The following TTC3 variants were observed in gnomAD, a reference collection of about 807,000 sequenced individuals.
TTC3 encodes tetratricopeptide repeat domain 3, also known as E3 ubiquitin-protein ligase TTC3.
TTC3 carries 180 observed loss-of-function variants against 249.6 expected under a neutral mutation model. The ratio of observed to expected loss-of-function variants is 0.72; its 90% CI spans 0.64 to 0.82. TTC3 has a LOEUF of 0.82. Ranked by LOEUF, TTC3 falls within the 40% of genes least tolerant of loss-of-function variation. TTC3 has a pLI of 0.00. For missense variants in TTC3, 2,061 were observed against 2,398.4 expected (o/e 0.86, Z 2.94); for synonymous variants, 717 against 805.0 (o/e 0.89, Z 1.85).
At chr21:37,185,955 A>G (rs977363012) in intron 37 of TTC3, 181 bp downstream of exon 37, 1 of 246,960 alleles carries the variant, frequency 4.0e-6, no homozygotes, top group Non-Finnish European at 7.8e-6. Context: ...TATTCTTTGA[A>G]TATTTAAATA....
rs555285446 is a variant in TTC3 at position 37,128,974 on chromosome 21, T to C, written c.1298-29T>C. The stretch of plus-strand genomic sequence containing the variant: ...GGCTTGTAGATTTTTATGTACAGAT[T>C]TTAGGAACAAATACTTTTGTGTTCA... On this transcript the variant is annotated intron_variant, in intron 15 of 45. Coordinates refer to ENST00000355666, the Ensembl canonical transcript of TTC3. 114 of 1,521,450 alleles carry C rather than the reference T, an allele frequency of 7.5e-5. 1 individual carries two copies. The South Asian group carries it at 1.4e-3, about 19-fold the overall frequency. 94.2% of individuals were successfully genotyped at this position (1,521,450 alleles called of 1,614,324 possible).
chr21:37,135,339 G>A, intron 17 of TTC3, 41 bp from the exon 18 acceptor site: 1 of 1,571,976 alleles, frequency 6.4e-7, no homozygotes, highest in Non-Finnish European at 8.6e-7. Flanking sequence ...AATTAAAAAT[G>A]TGTAGATTCA....
At chr21:37,109,321 G>T (rs1220175459) in intron 11 of TTC3, among the ~76,000 whole-genome samples, 1 of 152,178 alleles carries the variant, frequency 6.6e-6, no homozygotes, top group Non-Finnish European at 1.5e-5. Flanking sequence ...GTCAAAGAAA[G>T]GGGTGACAGA....
At chr21:37,142,689 C>A (rs1443526953) in intron 20 of TTC3, among the ~76,000 whole-genome samples, 1 of 152,168 alleles carries the variant, frequency 6.6e-6, no homozygotes, top group South Asian at 2.1e-4. Context: ...TTTATAGATT[C>A]AATGCCATCC....
intron 17 of TTC3, 107 bp downstream of exon 17, chr21:37,132,873 T>TACAA: frequency 7.6e-6 from 6 of 792,776 alleles, no homozygotes; most frequent in Non-Finnish European, 9.3e-6. Context: ...TTTTATATAA[T>TACAA]TATTGTATTA....
intron 20 of TTC3, among the ~76,000 whole-genome samples, chr21:37,142,842 A>G (rs1026925573): frequency 1.7e-4 from 26 of 152,230 alleles, no homozygotes; most frequent in African/African-American, 6.0e-4. Context: ...CTGACTTCAA[A>G]CTATACTACA....
At chr21:37,129,131 A>T in intron 16 of TTC3, 68 bp downstream of exon 16, 1 of 1,264,144 alleles carries the variant, frequency 7.9e-7, no homozygotes, top group Non-Finnish European at 1.1e-6. Context: ...AGGAAAAAAA[A>T]TTGTTTTTCG....
chr21:37,105,968 G>T (rs543909779), intron 10 of TTC3, among the ~76,000 whole-genome samples: 27 of 152,292 alleles, frequency 1.8e-4, no homozygotes, highest in Admixed American at 1.5e-3. Context: ...GAGTGGAATT[G>T]TTGGGACAGA....
chr21:37,078,325 C>T (rs1200015338), intron 1 of TTC3, among the ~76,000 whole-genome samples: 1 of 152,064 alleles, frequency 6.6e-6, no homozygotes, highest in Non-Finnish European at 1.5e-5. Flanking sequence ...TAAGAATTAG[C>T]TTGTTACATG....
At chr21:37,202,504 C>T (rs1184788616) in exon 46 of TTC3, 1 of 152,280 alleles carries the variant, frequency 6.6e-6, no homozygotes, top group African/African-American at 2.4e-5. Context: ...CACCCCACCA[C>T]AAAAAGAGAA....
chr21:37,198,001 A>C (rs776697561), exon 44 of TTC3: 43 of 1,613,288 alleles, frequency 2.7e-5, no homozygotes, highest in Non-Finnish European at 3.6e-5. Context: ...AGGGGCAGAA[A>C]GCAGAAGATG....
intron 11 of TTC3, among the ~76,000 whole-genome samples, chr21:37,110,414 C>T (rs147120463): frequency 0.016 from 2,362 of 151,564 alleles, 124 homozygotes; most frequent in Admixed American, 0.11. Flanking sequence ...GACAAATGCA[C>T]AAACCTCAGT....
At chr21:37,121,079 C>T (rs1340032748) in intron 11 of TTC3, among the ~76,000 whole-genome samples, 1 of 152,142 alleles carries the variant, frequency 6.6e-6, no homozygotes, top group Non-Finnish European at 1.5e-5. Flanking sequence ...CAGTTAGCTT[C>T]AGGTTTTGGT....
At chr21:37,162,906 A>G (rs1376445142) in intron 31 of TTC3, among the ~76,000 whole-genome samples, 1 of 152,072 alleles carries the variant, frequency 6.6e-6, no homozygotes, top group African/African-American at 2.4e-5. Flanking sequence ...GTGTTTTCTC[A>G]TGGTGGAAGG....
rs1310164531 is a variant in TTC3, at chr21:37,150,105, C to T, written c.2146C>T (p.Pro716Ser). ...TTTTCTACAAGGAATATGTCTTACC[C>T]CTGACTGTGAAGGTGTCATTTCTAA... The change falls in exon 24 of 46, where the codon CCT (proline) becomes TCT (serine). Residue 716 changes from proline (P) to serine (S), a missense_variant. By Grantham distance (74) the Pro-to-Ser change is moderately conservative. Coordinates refer to ENST00000355666, the Ensembl canonical transcript of TTC3. 4 of 1,612,250 alleles carry T rather than the reference C, an allele frequency of 2.5e-6. 1 individual carries two copies. The East Asian group carries it at 8.9e-5, about 36-fold the overall frequency.
At chr21:37,157,127 A>G (rs1339101402) in intron 28 of TTC3, 1 of 1,427,594 alleles carries the variant, frequency 7.0e-7, no homozygotes. Flanking sequence ...TAGGTATGTT[A>G]TGCTAACAAT....
chr21:37,172,060 G>A (rs551728275), intron 34 of TTC3, among the ~76,000 whole-genome samples: 1 of 152,236 alleles, frequency 6.6e-6, no homozygotes, highest in African/African-American at 2.4e-5. Flanking sequence ...CAACAGAATG[G>A]TTTCTGGGTT....
intron 5 of TTC3, 71 bp downstream of exon 5, chr21:37,088,957 T>C: frequency 7.4e-7 from 1 of 1,349,018 alleles, no homozygotes; most frequent in South Asian, 1.3e-5. Context: ...GGTGTTAGGC[T>C]CAAATGACTA....
chr21:37,135,510 T>C (rs1244637749), exon 18 of TTC3: 22 of 1,611,582 alleles, frequency 1.4e-5, no homozygotes, highest in Non-Finnish European at 1.9e-5. Flanking sequence ...CCTCAAAAAA[T>C]AAAGGTAAAT....
Sources: gnomAD v4.1 joint callset for allele counts (sites outside exome capture counted in the v4.1 genomes callset) on GRCh38, gnomAD v4.1.1 for gene constraint, MANE v1.5 for transcripts, NCBI Gene and HGNC (gene_info 2026-07-23, HGNC 2026-07-21) for gene names.